CRACD: variants seen among roughly 807,000 people sequenced by gnomAD.
CRACD encodes capping protein inhibiting regulator of actin dynamics.
In CRACD, 56 loss-of-function variants were observed where a neutral mutation model predicts 106.8. The ratio of observed to expected loss-of-function variants is 0.52; its 90% CI spans 0.42 to 0.66. The LOEUF (loss-of-function observed/expected upper bound fraction) is 0.66. Among genes scored for constraint, CRACD ranks in the 30% least tolerant of loss-of-function variants. The pLI, the probability that CRACD is intolerant of heterozygous loss-of-function variation, is 0.00. For synonymous variants in CRACD, 754 were observed against 670.8 expected, an observed-to-expected ratio of 1.12 and a Z score of -1.92; for missense variants, 1,730 against 1,623.2, an observed-to-expected ratio of 1.07 and a Z score of -1.13.
At chr4:56,235,403 C>G (rs1739906982) in intron 2 of CRACD, among the ~76,000 whole-genome samples, 1 of 152,156 alleles carries the variant, frequency 6.6e-6, no homozygotes, top group South Asian at 2.1e-4. Flanking sequence ...CTTGGGGAAA[C>G]AAGAAAGAGA....
intron 2 of CRACD, among the ~76,000 whole-genome samples, chr4:56,226,469 G>A (rs1739309410): frequency 6.6e-6 from 1 of 152,122 alleles, no homozygotes; most frequent in African/African-American, 2.4e-5. Flanking sequence ...ATTCCTTAGG[G>A]ACTCCAGAGG....
At chr4:56,077,504 A>G (rs1203643868) in intron 1 of CRACD, among the ~76,000 whole-genome samples, 3 of 152,216 alleles carry the variant, frequency 2.0e-5, no homozygotes, top group Admixed American at 6.5e-5. Flanking sequence ...CTGCCTACCA[A>G]AAGCCTCATG....
chr4:56,318,161 TTTA>T (rs1318385248), intron 8 of CRACD, among the ~76,000 whole-genome samples: 7 of 152,060 alleles, frequency 4.6e-5, no homozygotes, highest in African/African-American at 1.7e-4. Context: ...TATTTTATTG[TTTA>T]TTATTGTTAG....
chr4:56,177,987 T>C (rs552811597), intron 1 of CRACD, among the ~76,000 whole-genome samples: 16 of 152,220 alleles, frequency 1.1e-4, no homozygotes, highest in Non-Finnish European at 1.8e-4. Flanking sequence ...TGGTGGTTTA[T>C]TGTCTCAATG....
chr4:56,131,005 T>A (rs181613785), intron 1 of CRACD, among the ~76,000 whole-genome samples: 12 of 152,334 alleles, frequency 7.9e-5, no homozygotes, highest in African/African-American at 2.6e-4. Flanking sequence ...GCTCATAAGC[T>A]TGCTTGTTAT....
chr4:56,315,939 C>T lies in CRACD; in HGVS notation c.2437C>T (p.His813Tyr). The T allele has an allele frequency of 1.2e-6, 2 of 1,614,198 alleles. No individual in the cohort carries two copies. The highest frequency in any genetic ancestry group is 1.7e-6 in the Non-Finnish European group (2 of 1,180,046). Residue 813 changes from histidine to tyrosine, a missense_variant, in exon 8 of 11, where the codon CAC becomes TAC. His to Tyr is a moderately conservative substitution (Grantham distance 83, BLOSUM62 2). This residue lies in a region of CRACD where 1,620 missense variants were observed against 1,481.6 expected (regional missense o/e 1.09). Coordinates refer to ENST00000682029, the MANE Select transcript of CRACD (RefSeq NM_001393381.1). This position sits in a 1 kb window ranked among gnomAD's most constrained non-coding sequence, Gnocchi z 4.1. Reference sequence around the variant, plus strand: ...TTACCCTCCGCAGAAAGTGGTGGCCCACACAGAGTTCACGACCTCGTCGGA... The same window carrying T: ...TTACCCTCCGCAGAAAGTGGTGGCCTACACAGAGTTCACGACCTCGTCGGA... ...LPYPPQKVVAHTEFTTSSDSE... is the reference protein window; with the variant it reads ...LPYPPQKVVAYTEFTTSSDSE...
intron 2 of CRACD, among the ~76,000 whole-genome samples, chr4:56,188,981 C>T (rs12643906): frequency 0.068 from 10,339 of 152,072 alleles, 1,170 homozygotes; most frequent in East Asian, 0.5. Flanking sequence ...CTAAGGAGTT[C>T]GAGACCAGCC....
At chr4:56,249,145 G>A (rs1395192992) in intron 2 of CRACD, among the ~76,000 whole-genome samples, 6 of 149,570 alleles carry the variant, frequency 4.0e-5, no homozygotes, top group African/African-American at 9.9e-5. Context: ...CTGAGGAATC[G>A]CCACACTGAC....
At chr4:56,274,194 A>G (rs1490731641) in intron 3 of CRACD, among the ~76,000 whole-genome samples, 1 of 152,252 alleles carries the variant, frequency 6.6e-6, no homozygotes, top group African/African-American at 2.4e-5. Flanking sequence ...CCCAGTGGAT[A>G]GTCAAGGAGT....
At chr4:56,270,423 TG>T (rs1742282546) in intron 2 of CRACD, among the ~76,000 whole-genome samples, 1 of 152,158 alleles carries the variant, frequency 6.6e-6, no homozygotes, top group Non-Finnish European at 1.5e-5. Context: ...ATGAGACGTC[TG>T]GCTTGTTTCC....
intron 1 of CRACD, among the ~76,000 whole-genome samples, chr4:56,119,375 C>T (rs566406829): frequency 4.0e-5 from 6 of 151,612 alleles, no homozygotes; most frequent in Admixed American, 6.6e-5. Context: ...CTGTTGCCCA[C>T]GCTGGAGTGC....
At chr4:56,118,647 C>A (rs1484462835) in intron 1 of CRACD, among the ~76,000 whole-genome samples, 2 of 152,082 alleles carry the variant, frequency 1.3e-5, no homozygotes, top group Admixed American at 1.3e-4. Flanking sequence ...ACCTATAGTC[C>A]CAGCTACTAG....
At chr4:56,310,809 T>TGCGACC in intron 6 of CRACD, 75 bp downstream of exon 6, 1 of 802,132 alleles carries the variant, frequency 1.2e-6, no homozygotes, top group Non-Finnish European at 2.0e-6. Context: ...TTTTTTTTTT[T>TGCGACC]TGCGACCTGC....
chr4:56,090,976 C>T (rs1733407359), intron 1 of CRACD, among the ~76,000 whole-genome samples: 1 of 152,138 alleles, frequency 6.6e-6, no homozygotes, highest in Non-Finnish European at 1.5e-5. Flanking sequence ...CAATAAATTT[C>T]CCTTATTTAT....
At chr4:56,183,737 G>A (rs901121569) in intron 2 of CRACD, among the ~76,000 whole-genome samples, 2 of 152,198 alleles carry the variant, frequency 1.3e-5, no homozygotes, top group African/African-American at 4.8e-5. Flanking sequence ...TGCGTGGTTC[G>A]GAGGTTGGTT....
In CRACD at chr4:56,315,417, C is replaced by G; in HGVS notation, c.1915C>G (p.Pro639Ala). The G allele has an allele frequency of 6.2e-7, 1 of 1,612,588 alleles. No individual in the cohort carries two copies. Among genetic ancestry groups the G allele is most frequent in the South Asian group, 1.1e-5 (1 of 91,030 alleles). Residue 639 changes from proline to alanine, a missense_variant, in exon 8 of 11, where the codon CCC becomes GCC. Physicochemically the swap from Pro to Ala is conservative, Grantham distance 27 (BLOSUM62 -1). Coordinates refer to ENST00000682029, the MANE Select transcript of CRACD (RefSeq NM_001393381.1). This position sits in a 1 kb window ranked among gnomAD's most constrained non-coding sequence, Gnocchi z 4.1. ...GGAAGCCCCAGCTGGGGAGAACCCT[C>G]CCCGAGGCCCCGGCGACGCGAGGGC... is the stretch of plus-strand genomic sequence containing the variant. ...HAEAPAGENP[P>A]RGPGDARAGS...
intron 2 of CRACD, among the ~76,000 whole-genome samples, chr4:56,182,347 G>A (rs1189567950): frequency 1.3e-5 from 2 of 151,738 alleles, no homozygotes; most frequent in Admixed American, 1.3e-4. Context: ...CCCAGCCTGG[G>A]TGACAGAGTG....
intron 3 of CRACD, among the ~76,000 whole-genome samples, chr4:56,275,516 G>A (rs1300830622): frequency 6.6e-6 from 1 of 152,136 alleles, no homozygotes; most frequent in East Asian, 1.9e-4. Flanking sequence ...CTTTTCTAGG[G>A]AATTGACAAT....
rs879473883 is a variant in CRACD at position 56,292,528 on chromosome 4, AT to A, written c.-16-5672del. On this transcript the variant is annotated intron_variant, in intron 3 of 10. Coordinates refer to ENST00000682029, the MANE Select transcript of CRACD (RefSeq NM_001393381.1). ...TGGAAGGAGAGAACCCAGCCTCTAAATTTTTTTTTTTTTTGAGACAGAGTCT... is the reference window on the plus strand; with the variant it reads ...TGGAAGGAGAGAACCCAGCCTCTAAATTTTTTTTTTTTTGAGACAGAGTCT... Among the ~76,000 whole-genome samples, 517 of 145,682 alleles carry A rather than the reference AT, an allele frequency of 3.5e-3. 4 individuals are homozygous for A. The highest frequency in any genetic ancestry group is 6.8e-3 in the African/African-American group (273 of 40,020).
Sources: allele counts gnomAD v4.1 joint callset (sites outside exome capture counted in the v4.1 genomes callset), GRCh38; gene constraint gnomAD v4.1.1; regional missense constraint gnomAD v4.1.1; non-coding constraint Gnocchi (gnomAD v3.1); transcripts MANE v1.5; gene names NCBI Gene and HGNC (gene_info 2026-07-23, HGNC 2026-07-21).